MST1: variants seen among roughly 807,000 people sequenced by gnomAD.
MST1 encodes the protein macrophage stimulating 1, also known as hepatocyte growth factor-like protein.
In MST1, 76 loss-of-function variants were observed where a neutral mutation model predicts 100.1. That is an observed-to-expected ratio of 0.76 (90% CI 0.63 to 0.92). The LOEUF is 0.92. MST1 is among the 40% of genes least tolerant of loss of function. The probability of loss-of-function intolerance (pLI) is 0.00; values close to 1 mark genes in which losing one functional copy is unlikely to be tolerated. For missense variants in MST1, 850 were observed against 990.0 expected (o/e 0.86, Z 1.90); for synonymous variants, 352 against 385.4 (o/e 0.91, Z 1.01).
intron 1 of MST1, chr3:49,688,340 G>C (rs1452835559): frequency 9.5e-6 from 5 of 524,932 alleles, no homozygotes; most frequent in Admixed American, 3.5e-5. Flanking sequence ...TCAGGCTCAG[G>C]AGGGGTCACT....
chr3:49,685,926 G>A lies in MST1; in HGVS notation c.1184C>T (p.Thr395Met), dbSNP rs757416191. 6.2e-7 allele frequency: 1 copy of A among 1,609,532 alleles called. No individual in the cohort carries two copies. The highest frequency in any genetic ancestry group is 8.5e-7 in the Non-Finnish European group (1 of 1,179,262). The change falls in exon 10 of 18, where the codon ACG becomes ATG. Residue 395 changes from threonine (T) to methionine (M), a missense_variant. Transcript: ENST00000449682. ...YHGAGEQYRG[T>M]VSKTRKGVQC... ...GACACCCTTGCGGGTCTTGCTGACC[G>A]TGCCGCGGTACTGCTCCCCTGCGCC...
In MST1 at chr3:49,687,830, C is replaced by G; in HGVS notation, c.162G>C (p.Ala54=). ...CCTCCTGCCAAGGCCCGGGCACCAC[C>G]GCATGTAGCAGGTGCTGTAGCTCTG... ...RGTELQHLLH[A]VVPGPWQEDV... Residue 54 remains alanine, a synonymous_variant, in exon 2 of 18, where the codon GCG becomes GCC. Transcript: ENST00000449682. 6.2e-7 allele frequency: 1 copy of G among 1,613,570 alleles called. No individual in the cohort carries two copies. Among genetic ancestry groups the G allele is most frequent in the South Asian group, 1.1e-5 (1 of 91,072 alleles).
chr3:49,688,162 G>A (rs1273967370), intron 1 of MST1: 13 of 548,668 alleles, frequency 2.4e-5, no homozygotes, highest in Admixed American at 1.3e-4. Flanking sequence ...TAACACATAC[G>A]CTCTGTGAGA....
rs761582221 is a variant in MST1 at position 49,686,480 on chromosome 3, C to A, written c.849G>T (p.Gly283=). The A allele has an allele frequency of 1.9e-6, 3 of 1,612,264 alleles. No homozygotes were observed. Among genetic ancestry groups the A allele is most frequent in the Admixed American group, 3.3e-5 (2 of 60,006 alleles). ...CCTCTTGGCGGGGCTGTGCCTCGGACCCTTAGATGGACCGAGATAGGTCGG... is the reference window on the plus strand; with the variant it reads ...CCTCTTGGCGGGGCTGTGCCTCGGAACCTTAGATGGACCGAGATAGGTCGG... ...EREFCDLPRC[G]SEAQPRQEAT... The change falls in exon 8 of 18, where the codon GGG becomes GGT. Residue 283 remains glycine, a splice_region_variant and synonymous_variant. Transcript: ENST00000449682.
Position 49,684,467 on chromosome 3 carries a change from A to T in MST1, c.1877-14T>A. 4 of 1,613,434 alleles carry T rather than the reference A, an allele frequency of 2.5e-6. No individual in the cohort carries two copies. Among genetic ancestry groups the T allele is most frequent in the Non-Finnish European group, 3.4e-6 (4 of 1,179,840 alleles). ...CATTACCCGTACCTGCAGTGAGGGG[A>T]ATGGGGAGAGGGAGAGGGTCCTGCA... On this transcript the variant is annotated splice_polypyrimidine_tract_variant and intron_variant, in intron 16 of 17. Transcript: ENST00000449682.
In MST1 at chr3:49,688,720, G is replaced by A. The variant is rs1463434784; in HGVS notation, c.-29C>T. 3 of 1,551,362 alleles carry A rather than the reference G, an allele frequency of 1.9e-6. No homozygotes were observed. The highest frequency in any genetic ancestry group is 1.3e-5 in the African/African-American group (1 of 74,254). On this transcript the variant is annotated 5_prime_UTR_variant, in exon 1 of 18. Transcript: ENST00000449682. ...GGAAGTTGTGAAACCTGTCCCTACGGGATTGGGTGGCTCTGGCTCCACACG... is the reference window on the plus strand; with the variant it reads ...GGAAGTTGTGAAACCTGTCCCTACGAGATTGGGTGGCTCTGGCTCCACACG...
At chr3:49,686,659 C>A in intron 7 of MST1, 25 bp downstream of exon 7, 1 of 1,549,622 alleles carries the variant, frequency 6.5e-7, no homozygotes, top group Non-Finnish European at 8.7e-7. Context: ...CAGGTACCCT[C>A]CCAGGCCTGG....
Position 49,686,141 on chromosome 3 carries a change from C to T in MST1, c.1068G>A (p.Trp356Ter), listed in dbSNP as rs1279273961. 1.2e-6 allele frequency: 2 copies of T among 1,611,456 alleles called. No individual in the cohort carries two copies. Among genetic ancestry groups the T allele is most frequent in the Non-Finnish European group, 1.7e-6 (2 of 1,179,588 alleles). Reference protein sequence around the residue: ...CRNPDGSEAPWCFTLRPGMRA... With the variant: ...CRNPDGSEAP ...GCATGCCGGGCCGCAGTGTGAAGCA[C>T]CAGGGCGCCTCTGAGCCGTCGGGGT... The change falls in exon 9 of 18, where the codon TGG becomes TGA. Residue 356 changes from tryptophan (W) to a stop codon, truncating the protein, a stop_gained. Coordinates refer to ENST00000449682, the MANE Select transcript of MST1 (RefSeq NM_020998.4). LOFTEE classifies it high-confidence loss of function.
At position 49,685,601 on chromosome 3, in the gene MST1, C is replaced by A; in HGVS notation, c.1382G>T (p.Arg461Leu). 1 of 1,613,356 alleles carries A rather than the reference C, an allele frequency of 6.2e-7. No individual in the cohort carries two copies. The highest frequency in any genetic ancestry group is 8.5e-7 in the Non-Finnish European group (1 of 1,179,840). Residue 461 changes from arginine (R) to leucine (L), a missense_variant, in exon 11 of 18, where the codon CGC (arginine) becomes CTC (leucine). This residue lies in a region of MST1 where 816 missense variants were observed against 924.6 expected (regional missense o/e 0.88). Coordinates refer to ENST00000449682, the MANE Select transcript of MST1 (RefSeq NM_020998.4). ...RTPFDYCALR[R>L]CADDQPPSIL... ...GAAGCGTCACTAGTGCTCACCGCAG[C>A]GTCGCAGGGCACAGTAGTCGAATGG...
Position 49,686,301 on chromosome 3 carries a change from C to CCCCCCCCCCCCCCCCCCCCCCCT in MST1, c.1016+11_1016+12insAGGGGGGGGGGGGGGGGGGGGGG. 1.4e-6 allele frequency: 2 copies of CCCCCCCCCCCCCCCCCCCCCCCT among 1,414,526 alleles called. No individual in the cohort carries two copies. Among genetic ancestry groups the CCCCCCCCCCCCCCCCCCCCCCCT allele is most frequent in the Non-Finnish European group, 1.9e-6 (2 of 1,043,176 alleles). The allele number at this position is 1,414,526 out of a possible 1,614,324, so 87.6% of individuals were successfully genotyped here. A position where few individuals can be genotyped will look rare whatever the true frequency, so the allele number is the denominator to read the frequency against. ...AGCACGTCCCAACGCCCGCCCCCCCCCCCCACCTCACTTGCACGCGTATTT... is the reference window on the plus strand; with the variant it reads ...AGCACGTCCCAACGCCCGCCCCCCCCCCCCCCCCCCCCCCCCCCCCCCTCCCCACCTCACTTGCACGCGTATTT... On this transcript the variant is annotated intron_variant, in intron 8 of 17. Transcript: ENST00000449682.
rs2053554269 is a variant in MST1 at position 49,684,789 on chromosome 3, T to C, written c.1718A>G (p.Lys573Arg). ...GGAGCCTGAGGGCCCACACACCATC[T>C]TGGCTACTGGGACCCGCTGTAGGCT... ...EPSLQRVPVA[K>R]MVCGPSGSQL... The change falls in exon 15 of 18, where the codon AAG becomes AGG. Residue 573 changes from lysine (K) to arginine (R), a missense_variant. This residue lies in a region of MST1 where 816 missense variants were observed against 924.6 expected (regional missense o/e 0.88). Transcript: ENST00000449682. 8 of 1,613,558 alleles carry C rather than the reference T, an allele frequency of 5.0e-6. No homozygotes were observed. The highest frequency in any genetic ancestry group is 6.8e-6 in the Non-Finnish European group (8 of 1,179,876).
chr3:49,684,859 C>T lies in MST1; in HGVS notation c.1648G>A (p.Val550Ile), dbSNP rs200492732. Residue 550 changes from valine to isoleucine, a missense_variant, in exon 15 of 18, where the codon GTA (valine) becomes ATA (isoleucine). Transcript: ENST00000449682. The stretch of plus-strand genomic sequence containing the variant: ...TTCTGGAACAGGGTGCCCAACCATA[C>T]CTCATAGCCCGTGAGAGGCATATGG... ...SCHMPLTGYE[V>I]WLGTLFQNPQ... 10 of 1,613,560 alleles carry T rather than the reference C, an allele frequency of 6.2e-6. No homozygotes were observed. The East Asian group carries it at 1.3e-4, about 22-fold the overall frequency.
chr3:49,685,718 G>C lies in MST1; in HGVS notation c.1265C>G (p.Ser422Cys), dbSNP rs1272185650. 1 of 1,613,104 alleles carries C rather than the reference G, an allele frequency of 6.2e-7. No homozygotes were observed. The highest frequency in any genetic ancestry group is 8.5e-7 in the Non-Finnish European group (1 of 1,179,856). Residue 422 changes from serine to cysteine, a missense_variant, in exon 11 of 18, where the codon TCC becomes TGC. By Grantham distance (112) the Ser-to-Cys change is moderately radical. Coordinates refer to ENST00000449682, the MANE Select transcript of MST1 (RefSeq NM_020998.4). ...CTCCTCCAGTTGTGCATGCGGTTCGGAGGTAAACGTGAACCTAGGCGGAAG... is the reference window on the plus strand; with the variant it reads ...CTCCTCCAGTTGTGCATGCGGTTCGCAGGTAAACGTGAACCTAGGCGGAAG... The part of the protein sequence containing the change: ...TPHKPQFTFT[S>C]EPHAQLEENF...
chr3:49,685,320 G>A lies in MST1; in HGVS notation c.1486C>T (p.Leu496=), dbSNP rs1223635539. The change falls in exon 13 of 18, where the codon CTG becomes TTG. Residue 496 remains leucine, a synonymous_variant. Coordinates refer to ENST00000449682, the MANE Select transcript of MST1 (RefSeq NM_020998.4). ...VDRLDQRRSK[L]RVVGGHPGNS... is the part of the protein sequence containing the mutation. ...CCCGGATGGCCCCCAACCACGCGCA[G>A]CTTGGAACGCCGCTGATCCAGCCGA... The A allele has an allele frequency of 1.9e-6, 3 of 1,613,434 alleles. No individual in the cohort carries two copies. The highest frequency in any genetic ancestry group is 3.3e-5 in the Admixed American group (2 of 60,020).
At chr3:49,685,771 T>C (rs752505637) in intron 10 of MST1, 39 bp from the exon 11 acceptor site, 4 of 1,612,850 alleles carry the variant, frequency 2.5e-6, no homozygotes, top group African/African-American at 2.7e-5. Context: ...CAGGGTAGTC[T>C]CAACCATTTC....
At chr3:49,684,277 T>C in intron 17 of MST1, 37 bp downstream of exon 17, 1 of 1,611,956 alleles carries the variant, frequency 6.2e-7, no homozygotes, top group African/African-American at 1.3e-5. Flanking sequence ...TAGCCCCCCA[T>C]ACCCTTCCAG....
rs777701471 is a variant in MST1, at chr3:49,687,437, G to T, written c.397C>A (p.Arg133=). Residue 133 remains arginine (R), a synonymous_variant, in exon 4 of 18, where the codon CGG becomes AGG. Coordinates refer to ENST00000449682, the MANE Select transcript of MST1 (RefSeq NM_020998.4). ...TCIMNNGVGY[R]GTMATTVGGL... ...CCCACGGTCGTGGCCATGGTGCCCC[G>T]GTACCCAACCCCATTGTTCATGATG... is the stretch of plus-strand genomic sequence containing the variant. 2.5e-6 allele frequency: 4 copies of T among 1,613,362 alleles called. No individual in the cohort carries two copies. Among genetic ancestry groups the T allele is most frequent in the South Asian group, 1.1e-5 (1 of 91,066 alleles).
chr3:49,688,549 G>A lies in MST1; in HGVS notation c.94+49C>T, dbSNP rs775610541. On this transcript the variant is annotated intron_variant, in intron 1 of 17. Coordinates refer to ENST00000449682, the MANE Select transcript of MST1 (RefSeq NM_020998.4). ...TCTCATCCTAGAATAGGAGAATGGG[G>A]CCAACCCCCTCCTGAAGGCAGATGG... The A allele has an allele frequency of 1.6e-5, 26 of 1,604,296 alleles. No homozygotes were observed. The South Asian group carries it at 2.9e-4, about 18-fold the overall frequency.
chr3:49,685,368 C>T lies in MST1; in HGVS notation c.1438G>A (p.Glu480Lys). 1.9e-6 allele frequency: 3 copies of T among 1,613,722 alleles called. No homozygotes were observed. In the South Asian group the frequency reaches 3.3e-5, roughly 18 times the overall value. The change falls in exon 13 of 18, where the codon GAG becomes AAG. Residue 480 changes from glutamate to lysine, a missense_variant. By Grantham distance (56) the Glu-to-Lys change is moderately conservative. Coordinates refer to ENST00000449682, the MANE Select transcript of MST1 (RefSeq NM_020998.4). ...CGATCCACCCTCTTGCCACACTTCT[C>T]AAACTGCACCTGGTCTGTAGGATGG... is the stretch of plus-strand genomic sequence containing the variant. Reference protein sequence around the residue: ...ILDPPDQVQFEKCGKRVDRLD... With the variant: ...ILDPPDQVQFKKCGKRVDRLD...
Sources: gnomAD v4.1 joint callset for allele counts on GRCh38, gnomAD v4.1.1 for gene constraint, gnomAD v4.1.1 regional missense constraint, MANE v1.5 for transcripts, NCBI Gene and HGNC (gene_info 2026-07-23, HGNC 2026-07-21) for gene names.